PCNX2: variants seen among roughly 807,000 people sequenced by gnomAD.
PCNX2 encodes pecanex 2.
Under a neutral mutation model 223.8 loss-of-function variants are expected in PCNX2, and 168 were observed. The observed-to-expected ratio is 0.75, with a 90% CI of 0.66 to 0.85. PCNX2 has a LOEUF of 0.85. PCNX2 is among the 40% of genes least tolerant of loss of function. PCNX2 has a pLI of 0.00. For synonymous variants in PCNX2, 1,006 were observed against 1,052.6 expected (o/e 0.96, Z 0.86); for missense variants, 2,507 against 2,675.5 (o/e 0.94, Z 1.39).
chr1:233,238,132 C>T (rs1658530323), intron 8 of PCNX2, among the ~76,000 whole-genome samples: 1 of 152,184 alleles, frequency 6.6e-6, no homozygotes, highest in East Asian at 1.9e-4. Flanking sequence ...ACAGATCATA[C>T]CTTTGGGCCT....
chr1:233,289,247 A>C (rs1661622389), intron 1 of PCNX2: 2 of 953,052 alleles, frequency 2.1e-6, no homozygotes, highest in East Asian at 4.8e-5. Flanking sequence ...ATTTCAGTTG[A>C]GGAACGGGAA....
intron 21 of PCNX2, among the ~76,000 whole-genome samples, chr1:233,104,889 G>A (rs1674677501): frequency 6.6e-6 from 1 of 152,174 alleles, no homozygotes; most frequent in East Asian, 1.9e-4. Context: ...GGATTTGCAT[G>A]TAATAAAAAC....
intron 21 of PCNX2, among the ~76,000 whole-genome samples, chr1:233,118,978 G>T (rs1330667665): frequency 6.6e-6 from 1 of 152,154 alleles, no homozygotes; most frequent in Non-Finnish European, 1.5e-5. Flanking sequence ...AAGTAATCAA[G>T]ACTTCTTGGT....
intron 25 of PCNX2, among the ~76,000 whole-genome samples, chr1:233,029,272 C>T (rs1671186258): frequency 6.6e-6 from 1 of 152,166 alleles, no homozygotes; most frequent in African/African-American, 2.4e-5. Context: ...TCACAATCTA[C>T]TATGAATCAA....
intron 21 of PCNX2, among the ~76,000 whole-genome samples, chr1:233,109,847 G>C (rs1675011426): frequency 6.6e-6 from 1 of 152,216 alleles, no homozygotes; most frequent in Admixed American, 6.5e-5. Flanking sequence ...GGGCGCAGTG[G>C]CTCACACCTG....
chr1:233,277,264 G>C (rs755246897), intron 1 of PCNX2, among the ~76,000 whole-genome samples: 41 of 152,176 alleles, frequency 2.7e-4, no homozygotes, highest in Non-Finnish European at 5.6e-4. Context: ...GCCTGGCGTG[G>C]CCTGCTAGCC....
intron 21 of PCNX2, among the ~76,000 whole-genome samples, chr1:233,102,166 C>T (rs1674522176): frequency 6.8e-6 from 1 of 146,260 alleles, no homozygotes. Flanking sequence ...TCTCACTTAA[C>T]ATAATGTCCT....
At chr1:233,194,202 AT>A (rs150184237) in intron 15 of PCNX2, among the ~76,000 whole-genome samples, 14 of 152,288 alleles carry the variant, frequency 9.2e-5, no homozygotes, top group African/African-American at 2.6e-4. Context: ...ATAACGGCAG[AT>A]TTTTTTATCA....
chr1:233,130,465 T>TGTGTGTGTGTGTGTGTG (rs1553296590), intron 21 of PCNX2, among the ~76,000 whole-genome samples: 2 of 136,384 alleles, frequency 1.5e-5, no homozygotes, highest in African/African-American at 2.8e-5. Context: ...CCCCCAACTT[T>TGTGTGTGTGTGTGTGTG]TGTGTGTGTG....
At chr1:233,052,050 CTAT>C (rs997698984) in intron 25 of PCNX2, among the ~76,000 whole-genome samples, 1 of 152,112 alleles carries the variant, frequency 6.6e-6, no homozygotes, top group African/African-American at 2.4e-5. Flanking sequence ...TGTGATTACT[CTAT>C]AGAGTTTTAT....
At position 233,290,936 on chromosome 1, in the gene PCNX2, G is replaced by A. The variant is rs994443193; in HGVS notation, c.153+4390C>T. The A allele has an allele frequency of 6.1e-6, 6 of 985,258 alleles. No homozygotes were observed. The African/African-American group carries it at 1.0e-4, about 17-fold the overall frequency. The allele number at this position is 985,258 out of a possible 1,614,324, so 61.0% of individuals were successfully genotyped here. A position where few individuals can be genotyped will look rare whatever the true frequency, so the allele number is the denominator to read the frequency against. On this transcript the variant is annotated intron_variant, in intron 1 of 33. Transcript: ENST00000258229. ...ATTAAGTCTAATGTTGCCCGGCATGGGGTCTTGAAGGATGTGAAAGTTCCA... is the reference window on the plus strand; with the variant it reads ...ATTAAGTCTAATGTTGCCCGGCATGAGGTCTTGAAGGATGTGAAAGTTCCA...
chr1:233,095,752 T>C lies in PCNX2; in HGVS notation c.3946+3A>G. 1 of 1,590,436 alleles carries C rather than the reference T, an allele frequency of 6.3e-7. No individual in the cohort carries two copies. The highest frequency in any genetic ancestry group is 1.1e-5 in the South Asian group (1 of 88,656). ...AGGGTGAAAATAGAAGCAGAAAGGA[T>C]ACGAGGAATGGCAAAGAGCTGAGCA... is the stretch of plus-strand genomic sequence containing the variant. On this transcript the variant is annotated splice_donor_region_variant and intron_variant, in intron 22 of 33. Coordinates refer to ENST00000258229, the MANE Select transcript of PCNX2 (RefSeq NM_014801.4).
intron 16 of PCNX2, among the ~76,000 whole-genome samples, chr1:233,178,630 C>G (rs1679621811): frequency 6.6e-6 from 1 of 152,108 alleles, no homozygotes; most frequent in South Asian, 2.1e-4. Flanking sequence ...ACAATAAAAT[C>G]AAACAAAATC....
chr1:233,308,413 C>T, the PCNX2 span, among the ~76,000 whole-genome samples: 1 of 151,428 alleles, frequency 6.6e-6, no homozygotes, highest in African/African-American at 2.4e-5. Context: ...GAGCCGAGAT[C>T]GTGCCACTGC....
intron 10 of PCNX2, among the ~76,000 whole-genome samples, chr1:233,221,301 T>C (rs913499141): frequency 6.6e-6 from 1 of 152,198 alleles, no homozygotes; most frequent in Non-Finnish European, 1.5e-5. Flanking sequence ...ATTTGGTGTG[T>C]TGAGGTCCAT....
intron 19 of PCNX2, among the ~76,000 whole-genome samples, chr1:233,153,353 A>C (rs1207448686): frequency 1.3e-5 from 2 of 152,224 alleles, no homozygotes; most frequent in African/African-American, 4.8e-5. Flanking sequence ...GACGGAGCTA[A>C]TAGATTATGT....
chr1:233,023,081 C>T (rs181681866), intron 26 of PCNX2, among the ~76,000 whole-genome samples: 141 of 152,300 alleles, frequency 9.3e-4, no homozygotes, highest in Non-Finnish European at 1.3e-3. Flanking sequence ...ACTGCTGGTC[C>T]TCACTGCCCC....
intron 28 of PCNX2, among the ~76,000 whole-genome samples, chr1:233,007,324 G>A (rs553653647): frequency 1.3e-5 from 2 of 151,848 alleles, no homozygotes; most frequent in South Asian, 2.1e-4. Context: ...TCATTCTCAC[G>A]GATGCATGAT....
At chr1:233,199,395 A>G (rs1006065247) in intron 14 of PCNX2, among the ~76,000 whole-genome samples, 2 of 152,048 alleles carry the variant, frequency 1.3e-5, no homozygotes, top group African/African-American at 4.8e-5. Context: ...AGGAGGGAGA[A>G]GGCAGGAGGA....
Sources: gnomAD v4.1 joint callset for allele counts (sites outside exome capture counted in the v4.1 genomes callset) on GRCh38, gnomAD v4.1.1 for gene constraint, MANE v1.5 for transcripts, NCBI Gene and HGNC (gene_info 2026-07-23, HGNC 2026-07-21) for gene names.